The following FAM13B variants were observed in gnomAD, a reference collection of about 807,000 sequenced individuals.
FAM13B encodes family with sequence similarity 13 member B, also known as protein FAM13B.
A neutral mutation model predicts 117.3 loss-of-function variants in FAM13B; 60 were observed. That is an observed-to-expected ratio of 0.51 (90% CI 0.42 to 0.63). The LOEUF (loss-of-function observed/expected upper bound fraction) is 0.63. Ranked by LOEUF, FAM13B falls within the 30% of genes least tolerant of loss-of-function variation. The pLI, the probability that FAM13B is intolerant of heterozygous loss-of-function variation, is 0.00. For synonymous variants in FAM13B, 332 were observed against 356.1 expected (o/e 0.93, Z 0.76); for missense variants, 972 against 1,091.9 (o/e 0.89, Z 1.55).
intron 10 of FAM13B, among the ~76,000 whole-genome samples, chr5:137,969,920 A>G (rs1195950603): frequency 2.0e-5 from 3 of 152,144 alleles, no homozygotes; most frequent in Non-Finnish European, 2.9e-5. Flanking sequence ...AAAAAGAATA[A>G]AAAGAAATGA....
intron 10 of FAM13B, among the ~76,000 whole-genome samples, chr5:137,973,139 C>G (rs1772809028): frequency 6.6e-6 from 1 of 152,142 alleles, no homozygotes. Context: ...AAAAAACAGC[C>G]CACATCGCCA....
intron 1 of FAM13B, among the ~76,000 whole-genome samples, chr5:138,029,692 T>C (rs1789394531): frequency 6.6e-6 from 1 of 152,192 alleles, no homozygotes; most frequent in Non-Finnish European, 1.5e-5. Context: ...CAATGCAAAA[T>C]GATATTCAGC....
intron 10 of FAM13B, among the ~76,000 whole-genome samples, chr5:137,966,551 C>T (rs867138398): frequency 4.3e-5 from 5 of 116,560 alleles, no homozygotes; most frequent in African/African-American, 1.3e-4. Context: ...ACTCTTAAAA[C>T]TCAACAATAA....
At chr5:137,960,311 A>C in intron 11 of FAM13B, 97 bp from the exon 12 acceptor site, 1 of 648,658 alleles carries the variant, frequency 1.5e-6, no homozygotes, top group South Asian at 2.3e-5. Flanking sequence ...TAACACAGTT[A>C]GCATTTACAA....
chr5:138,025,321 T>G (rs1167068367), intron 1 of FAM13B, among the ~76,000 whole-genome samples: 1 of 121,896 alleles, frequency 8.2e-6, no homozygotes, highest in African/African-American at 3.0e-5. Context: ...GTATTTTTTT[T>G]TTTTTTTTTT....
At chr5:137,955,989 C>T (rs1273426732) in intron 14 of FAM13B, among the ~76,000 whole-genome samples, 1 of 152,010 alleles carries the variant, frequency 6.6e-6, no homozygotes, top group Non-Finnish European at 1.5e-5. Flanking sequence ...TTAGCAATAG[C>T]GAAAATGAAT....
In FAM13B at chr5:138,019,012, G is replaced by T; in HGVS notation, c.100C>A (p.Pro34Thr). The T allele has an allele frequency of 6.2e-7, 1 of 1,614,106 alleles. No homozygotes were observed. The highest frequency in any genetic ancestry group is 8.5e-7 in the Non-Finnish European group (1 of 1,180,012). The change falls in exon 3 of 24, where the codon CCA becomes ACA. Residue 34 changes from proline to threonine, a missense_variant. Physicochemically the swap from Pro to Thr is conservative, Grantham distance 38. Coordinates refer to ENST00000689681, the MANE Select transcript of FAM13B (RefSeq NM_001385994.1). ...PLDELQQGGH[P>T]DNEVPFIVRH... Reference sequence around the variant, plus strand: ...ACTATGAATGGAACCTCATTGTCTGGATGTCCTCCCTGCTGCAGCTCATCA... The same window carrying T: ...ACTATGAATGGAACCTCATTGTCTGTATGTCCTCCCTGCTGCAGCTCATCA...
intron 2 of FAM13B, chr5:138,019,962 A>G: frequency 2.1e-6 from 2 of 951,838 alleles, no homozygotes; most frequent in Non-Finnish European, 2.5e-6. Context: ...TACAGGCGTT[A>G]GCCACCGCAC....
At chr5:137,966,623 T>C (rs556598635) in intron 10 of FAM13B, among the ~76,000 whole-genome samples, 66 of 151,716 alleles carry the variant, frequency 4.4e-4, no homozygotes, top group African/African-American at 1.2e-3. Flanking sequence ...AAAGAAGATA[T>C]ACACATAGCA....
chr5:138,001,410 C>T (rs1451454726), intron 7 of FAM13B, among the ~76,000 whole-genome samples: 5 of 152,162 alleles, frequency 3.3e-5, no homozygotes, highest in Admixed American at 3.3e-4. Flanking sequence ...GATAATCAAA[C>T]AATATATTTT....
chr5:138,005,126 A>G (rs11959181), intron 7 of FAM13B, among the ~76,000 whole-genome samples: 22,115 of 152,150 alleles, frequency 0.15, 1,780 homozygotes, highest in Non-Finnish European at 0.18. Context: ...AGTCTCAGCT[A>G]CTTGGGAAGC....
chr5:137,990,238 G>C (rs549138664), intron 7 of FAM13B, among the ~76,000 whole-genome samples: 1 of 152,152 alleles, frequency 6.6e-6, no homozygotes, highest in East Asian at 1.9e-4. Context: ...TGCCTATCGA[G>C]AAATATTCAT....
chr5:138,000,923 CTG>C (rs1255198133), intron 7 of FAM13B, among the ~76,000 whole-genome samples: 9 of 121,094 alleles, frequency 7.4e-5, no homozygotes, highest in Non-Finnish European at 1.2e-4. Flanking sequence ...GAGCAAGACA[CTG>C]TCTCAAAAAA....
intron 1 of FAM13B, among the ~76,000 whole-genome samples, chr5:138,022,252 CT>C (rs2150995728): frequency 6.6e-6 from 1 of 152,224 alleles, no homozygotes; most frequent in Non-Finnish European, 1.5e-5. Flanking sequence ...AGCAATTAGA[CT>C]AGAGAGAGAG....
intron 11 of FAM13B, among the ~76,000 whole-genome samples, chr5:137,961,477 GGAT>G: frequency 6.6e-6 from 1 of 152,224 alleles, no homozygotes; most frequent in East Asian, 1.9e-4. Context: ...GGCTGGAAGA[GGAT>G]GATTCCTGCC....
upstream of FAM13B, chr5:138,036,098 T>A: frequency 3.4e-6 from 1 of 297,476 alleles, no homozygotes; most frequent in Non-Finnish European, 6.6e-6. Flanking sequence ...GACCCTTTAT[T>A]GTGGGACAAG....
intron 10 of FAM13B, among the ~76,000 whole-genome samples, chr5:137,969,015 C>A (rs546735789): frequency 6.6e-6 from 1 of 152,208 alleles, no homozygotes; most frequent in South Asian, 2.1e-4. Flanking sequence ...AACTGCAAGG[C>A]GGCAGCGAGG....
At chr5:137,954,060 T>TTTTGTTG in intron 15 of FAM13B, 106 bp downstream of exon 15, 1 of 523,716 alleles carries the variant, frequency 1.9e-6, no homozygotes. Context: ...TTTTTTTTTT[T>TTTTGTTG]GAGATGGAGT....
chr5:138,006,751 CA>C (rs1353139637), intron 7 of FAM13B, among the ~76,000 whole-genome samples: 2 of 152,176 alleles, frequency 1.3e-5, no homozygotes, highest in Non-Finnish European at 2.9e-5. Flanking sequence ...TAAGCTAATA[CA>C]AAACCAACTT....
Sources: gnomAD v4.1 joint callset for allele counts (sites outside exome capture counted in the v4.1 genomes callset) on GRCh38, gnomAD v4.1.1 for gene constraint, MANE v1.5 for transcripts, NCBI Gene and HGNC (gene_info 2026-07-23, HGNC 2026-07-21) for gene names.